Variants in RPRD1A observed in about 807,000 individuals in gnomAD.
RPRD1A encodes the protein regulation of nuclear pre-mRNA domain containing 1A, also known as regulation of nuclear pre-mRNA domain-containing protein 1A.
Under a neutral mutation model 37.8 loss-of-function variants are expected in RPRD1A, and 9 were observed. The observed-to-expected ratio is 0.24, with a 90% CI of 0.14 to 0.42. RPRD1A has a LOEUF of 0.42. Among genes scored for constraint, RPRD1A ranks in the 10% least tolerant of loss-of-function variants. The probability of loss-of-function intolerance (pLI) is 1.00; values close to 1 mark genes in which losing one functional copy is unlikely to be tolerated. For missense variants in RPRD1A, 255 were observed against 371.0 expected (o/e 0.69, Z 2.57); for synonymous variants, 138 against 139.7 (o/e 0.99, Z 0.08).
At chr18:36,010,809 C>T (rs1366500512) in intron 6 of RPRD1A, among the ~76,000 whole-genome samples, 1 of 152,142 alleles carries the variant, frequency 6.6e-6, no homozygotes, top group African/African-American at 2.4e-5. Context: ...TTTATTACCT[C>T]CAGTTGAAAG....
intron 6 of RPRD1A, chr18:36,026,020 TTAAG>T: frequency 5.7e-6 from 1 of 174,656 alleles, no homozygotes; most frequent in South Asian, 1.3e-4. Flanking sequence ...GTGGGAATAA[TTAAG>T]TAGCAGCTCC....
chr18:36,018,697 C>T (rs1910775237), intron 6 of RPRD1A, among the ~76,000 whole-genome samples: 1 of 152,126 alleles, frequency 6.6e-6, no homozygotes, highest in South Asian at 2.1e-4. Context: ...CAAGGTTCAT[C>T]TCATGAAACT....
At chr18:36,046,364 G>C (rs1414792434) in intron 1 of RPRD1A, among the ~76,000 whole-genome samples, 1 of 152,060 alleles carries the variant, frequency 6.6e-6, no homozygotes, top group East Asian at 1.9e-4. Context: ...TGGAACAACA[G>C]GACTTTCACC....
At chr18:36,008,577 G>GTGTGTATGTATATATATATA in intron 6 of RPRD1A, among the ~76,000 whole-genome samples, 4 of 47,794 alleles carry the variant, frequency 8.4e-5, no homozygotes, top group African/African-American at 6.8e-5. Flanking sequence ...CCTTGTGTGT[G>GTGTGTATGTATATATATATA]TATATATATA....
chr18:36,018,290 T>TAA lies in RPRD1A; in HGVS notation c.789+8608_789+8609dup, dbSNP rs35341331. Among the ~76,000 whole-genome samples, 1,112 of 148,720 alleles carry TAA rather than the reference T, an allele frequency of 7.5e-3. 16 individuals are homozygous for TAA. Among genetic ancestry groups the TAA allele is most frequent in the African/African-American group, 0.025 (1,016 of 40,314 alleles). ...AAGTTACACTTTTTTTTTTTTTTTTTAAAGAAGGAGTCTCGCTCTGTCGCC... is the reference window on the plus strand; with the variant it reads ...AAGTTACACTTTTTTTTTTTTTTTTTAAAAAGAAGGAGTCTCGCTCTGTCGCC... On this transcript the variant is annotated intron_variant, in intron 6 of 6. Coordinates refer to ENST00000399022, the MANE Select transcript of RPRD1A (RefSeq NM_018170.5).
intron 1 of RPRD1A, among the ~76,000 whole-genome samples, chr18:36,065,011 G>A: frequency 6.6e-6 from 1 of 151,664 alleles, no homozygotes; most frequent in East Asian, 2.0e-4. Flanking sequence ...CACTCCTGAA[G>A]CCAGCGAGAC....
chr18:36,018,483 C>T (rs1471196213), intron 6 of RPRD1A, among the ~76,000 whole-genome samples: 1 of 152,038 alleles, frequency 6.6e-6, no homozygotes, highest in African/African-American at 2.4e-5. Flanking sequence ...CCGTGATAGC[C>T]AGGATGGTCT....
rs1908667653 is a variant in RPRD1A, at chr18:35,990,635, A to G, written c.*2516T>C. The G allele has an allele frequency of 6.6e-6, 1 of 152,196 alleles. No homozygotes were observed. The highest frequency in any genetic ancestry group is 6.5e-5 in the Admixed American group (1 of 15,278). The allele number at this position is 152,196 out of a possible 1,614,324, so 9.4% of individuals were successfully genotyped here. ...AAGAGTGATGGCATCCATTCAAACC[A>G]TAGCAGCCCTACGGCACCATGCTTT... On this transcript the variant is annotated 3_prime_UTR_variant, in exon 7 of 7. Coordinates refer to ENST00000399022, the MANE Select transcript of RPRD1A (RefSeq NM_018170.5).
chr18:36,000,181 C>A (rs984379582), intron 6 of RPRD1A, among the ~76,000 whole-genome samples: 1 of 152,150 alleles, frequency 6.6e-6, no homozygotes, highest in African/African-American at 2.4e-5. Context: ...CAGTGGTTTG[C>A]CCTCACCTTC....
intron 6 of RPRD1A, among the ~76,000 whole-genome samples, chr18:36,002,855 C>T (rs542177156): frequency 1.3e-5 from 2 of 152,198 alleles, no homozygotes; most frequent in South Asian, 4.1e-4. Flanking sequence ...TCTAGTTAGG[C>T]GTTAGACTGT....
chr18:36,025,047 G>A (rs1193450907), intron 6 of RPRD1A: 1 of 152,252 alleles, frequency 6.6e-6, no homozygotes, highest in East Asian at 1.9e-4. Flanking sequence ...TTTCAAGACA[G>A]TGATTACCTC....
At chr18:36,014,794 T>C (rs1403681531) in intron 6 of RPRD1A, among the ~76,000 whole-genome samples, 2 of 152,080 alleles carry the variant, frequency 1.3e-5, no homozygotes, top group Non-Finnish European at 2.9e-5. Context: ...AGGACTTGAA[T>C]AGACATTTCT....
intron 2 of RPRD1A, among the ~76,000 whole-genome samples, chr18:36,032,468 G>C (rs1206926152): frequency 6.6e-6 from 1 of 152,128 alleles, no homozygotes; most frequent in Non-Finnish European, 1.5e-5. Context: ...GTGCCACGAA[G>C]GAACACCTTA....
chr18:36,040,306 C>T (rs946463910), intron 1 of RPRD1A, among the ~76,000 whole-genome samples: 7 of 152,074 alleles, frequency 4.6e-5, no homozygotes, highest in East Asian at 1.9e-4. Flanking sequence ...GAATAAAAGA[C>T]GACTCAACGG....
Position 36,030,862 on chromosome 18 carries a change from CT to C in RPRD1A, c.431del (p.Lys144ArgfsTer21). 6.2e-7 allele frequency: 1 copy of C among 1,613,370 alleles called. No individual in the cohort carries two copies. The highest frequency in any genetic ancestry group is 8.5e-7 in the Non-Finnish European group (1 of 1,179,628). ...AGGAACAGTTTTCATTTTCATCCAC[CT>C]TTATCTGTTCATAAGTTCGCTTCCT... ...KPRKRTYEQI[K>X]VDENENCSSL... On this transcript the variant is annotated frameshift_variant, in exon 4 of 7. Coordinates refer to ENST00000399022, the MANE Select transcript of RPRD1A (RefSeq NM_018170.5). LOFTEE classifies it high-confidence loss of function.
intron 1 of RPRD1A, among the ~76,000 whole-genome samples, chr18:36,052,355 T>G (rs1913461320): frequency 6.6e-6 from 1 of 151,834 alleles, no homozygotes. Context: ...CTAGAAGCCA[T>G]AAGAAATAAC....
intron 1 of RPRD1A, among the ~76,000 whole-genome samples, chr18:36,058,279 A>G (rs544352523): frequency 3.6e-4 from 55 of 152,166 alleles, no homozygotes; most frequent in African/African-American, 1.3e-3. Flanking sequence ...CTGGCCTCAA[A>G]CAATCCACCC....
At chr18:36,012,604 A>G (rs1189230817) in intron 6 of RPRD1A, among the ~76,000 whole-genome samples, 1 of 152,212 alleles carries the variant, frequency 6.6e-6, no homozygotes, top group East Asian at 1.9e-4. Context: ...TGCATGCTAC[A>G]ATGTTCACAC....
At position 35,990,555 on chromosome 18, in the gene RPRD1A, C is replaced by T. The variant is rs967431473; in HGVS notation, c.*2596G>A. 1.3e-5 allele frequency: 2 copies of T among 152,096 alleles called. No individual in the cohort carries two copies. Among genetic ancestry groups the T allele is most frequent in the Non-Finnish European group, 1.5e-5 (1 of 68,038 alleles). 9.4% of individuals were successfully genotyped at this position (152,096 alleles called of 1,614,324 possible). On this transcript the variant is annotated 3_prime_UTR_variant, in exon 7 of 7. Transcript: ENST00000399022. ...GTGATGGAAGGAGAGAAGGAGCGCC[C>T]GAGAATCTGTTCAGATTGTGACTCC...
Sources: allele counts gnomAD v4.1 joint callset (sites outside exome capture counted in the v4.1 genomes callset), GRCh38; gene constraint gnomAD v4.1.1; transcripts MANE v1.5; gene names NCBI Gene and HGNC (gene_info 2026-07-23, HGNC 2026-07-21).